Variants in HCLS1 observed in about 807,000 individuals in gnomAD.
HCLS1 encodes the protein hematopoietic lineage cell-specific protein.
In HCLS1, 44 loss-of-function variants were observed where a neutral mutation model predicts 68.6. That is an observed-to-expected ratio of 0.64 (90% CI 0.50 to 0.82). The LOEUF (loss-of-function observed/expected upper bound fraction) is 0.82, where lower values mean the gene tolerates loss of function less well. Among genes scored for constraint, HCLS1 ranks in the 40% least tolerant of loss-of-function variants. The probability of loss-of-function intolerance (pLI) is 0.00; values close to 1 mark genes in which losing one functional copy is unlikely to be tolerated. For synonymous variants in HCLS1, 217 were observed against 225.8 expected (o/e 0.96, Z 0.35); for missense variants, 602 against 612.1 (o/e 0.98, Z 0.17).
At chr3:121,650,776 AT>A (rs1019973350) in intron 3 of HCLS1, among the ~76,000 whole-genome samples, 9 of 152,168 alleles carry the variant, frequency 5.9e-5, no homozygotes, top group Admixed American at 2.6e-4. Flanking sequence ...AGCCCCATAA[AT>A]TTTTTTTCAA....
chr3:121,640,792 G>C (rs28575449), intron 6 of HCLS1, among the ~76,000 whole-genome samples: 1 of 58,702 alleles, frequency 1.7e-5, no homozygotes, highest in African/African-American at 6.0e-5. Context: ...AAGGGGAGGG[G>C]AGGGGAGGGG....
intron 11 of HCLS1, among the ~76,000 whole-genome samples, chr3:121,632,770 A>G (rs2049113037): frequency 6.9e-6 from 1 of 145,250 alleles, no homozygotes; most frequent in African/African-American, 2.5e-5. Flanking sequence ...AACACATTCC[A>G]GAGACAATGG....
intron 8 of HCLS1, 89 bp from the exon 9 acceptor site, chr3:121,635,893 T>G: frequency 1.0e-6 from 1 of 969,948 alleles, no homozygotes; most frequent in South Asian, 1.3e-5. Context: ...GGGGCCACTA[T>G]AAGAGGTATC....
rs1271419695 is a variant in HCLS1, at chr3:121,647,300, T to C, written c.288+19A>G. Reference sequence around the variant, plus strand: ...CCGGCTTGTATTTTTTTAAAGCAAATCTTTCCCTTTCAACTTACCTTGTCC... The same window carrying C: ...CCGGCTTGTATTTTTTTAAAGCAAACCTTTCCCTTTCAACTTACCTTGTCC... On this transcript the variant is annotated intron_variant, in intron 4 of 13. Coordinates refer to ENST00000314583, the MANE Select transcript of HCLS1 (RefSeq NM_005335.6). The C allele has an allele frequency of 6.2e-7, 1 of 1,612,958 alleles. No individual in the cohort carries two copies. Among genetic ancestry groups the C allele is most frequent in the African/African-American group, 1.3e-5 (1 of 74,822 alleles).
At position 121,631,656 on chromosome 3, in the gene HCLS1, A is replaced by C. The variant is rs1018125610; in HGVS notation, c.*190T>G. ...AAATGTTCATGAGCTCATCCAGGAT[A>C]GAGAGGACTCTTGGGGAAGGGGACC... On this transcript the variant is annotated 3_prime_UTR_variant, in exon 14 of 14. Coordinates refer to ENST00000314583, the MANE Select transcript of HCLS1 (RefSeq NM_005335.6). 5.0e-6 allele frequency: 3 copies of C among 599,122 alleles called. No homozygotes were observed. Among genetic ancestry groups the C allele is most frequent in the Non-Finnish European group, 8.9e-6 (3 of 338,324 alleles). 37.1% of individuals were successfully genotyped at this position (599,122 alleles called of 1,614,324 possible). A position where few individuals can be genotyped will look rare whatever the true frequency, so the allele number is the denominator to read the frequency against.
At chr3:121,657,427 A>G (rs979882610) in intron 2 of HCLS1, 75 bp from the exon 3 acceptor site, 39 of 1,263,636 alleles carry the variant, frequency 3.1e-5, no homozygotes, top group Middle Eastern at 2.0e-4. Context: ...CAACTGACAC[A>G]TGCCCTCCAT....
rs1937896516 is a variant in HCLS1 at position 121,657,412 on chromosome 3, C to T, written c.85-60G>A. The T allele has an allele frequency of 2.0e-6, 3 of 1,493,186 alleles. 1 individual carries two copies. Among genetic ancestry groups the T allele is most frequent in the South Asian group, 2.3e-5 (2 of 87,984 alleles). The allele number at this position is 1,493,186 out of a possible 1,614,324, so 92.5% of individuals were successfully genotyped here. On this transcript the variant is annotated intron_variant, in intron 2 of 13. Coordinates refer to ENST00000314583, the MANE Select transcript of HCLS1 (RefSeq NM_005335.6). ...AAGAAATGTGCCACATTGAGAAGGG[C>T]CACCCAACTGACACATGCCCTCCAT...
At chr3:121,639,294 C>A (rs893858222) in intron 6 of HCLS1, among the ~76,000 whole-genome samples, 12 of 152,098 alleles carry the variant, frequency 7.9e-5, no homozygotes, top group Non-Finnish European at 1.6e-4. Context: ...CCAAATAGAC[C>A]ATGTGCCAGT....
intron 3 of HCLS1, among the ~76,000 whole-genome samples, chr3:121,650,784 T>C (rs1046204941): frequency 6.6e-6 from 1 of 152,212 alleles, no homozygotes; most frequent in African/African-American, 2.4e-5. Context: ...AAATTTTTTT[T>C]CAATAAATTA....
intron 3 of HCLS1, 113 bp downstream of exon 3, chr3:121,657,166 A>G: frequency 1.2e-6 from 1 of 807,968 alleles, no homozygotes; most frequent in Non-Finnish European, 2.1e-6. Context: ...ACAATAATAC[A>G]TAGACATGAA....
At chr3:121,658,101 C>A in intron 2 of HCLS1, 163 bp downstream of exon 2, 2 of 631,900 alleles carry the variant, frequency 3.2e-6, no homozygotes, top group Non-Finnish European at 5.8e-6. Context: ...TCGTGCATGC[C>A]CCACAGGTGA....
At chr3:121,639,293 C>T (rs887658003) in intron 6 of HCLS1, among the ~76,000 whole-genome samples, 2 of 152,102 alleles carry the variant, frequency 1.3e-5, no homozygotes, top group African/African-American at 4.8e-5. Flanking sequence ...ACCAAATAGA[C>T]CATGTGCCAG....
intron 4 of HCLS1, among the ~76,000 whole-genome samples, chr3:121,646,546 TTA>T (rs1290069160): frequency 7.3e-5 from 8 of 109,298 alleles, no homozygotes; most frequent in Admixed American, 1.2e-4. Context: ...TAAGTATATA[TTA>T]TATATATTAA....
chr3:121,658,775 C>T (rs1937928665), intron 1 of HCLS1, among the ~76,000 whole-genome samples: 1 of 152,204 alleles, frequency 6.6e-6, no homozygotes, highest in South Asian at 2.1e-4. Flanking sequence ...TCCTTTGTTG[C>T]TGTTGAAATA....
intron 7 of HCLS1, 64 bp from the exon 8 acceptor site, chr3:121,636,553 T>A (rs2049153184): frequency 8.1e-7 from 1 of 1,234,634 alleles, no homozygotes; most frequent in South Asian, 1.2e-5. Context: ...GTGAGAAGAA[T>A]CAGTGGGAAG....
intron 3 of HCLS1, chr3:121,656,986 C>A: frequency 3.4e-6 from 1 of 294,756 alleles, no homozygotes; most frequent in East Asian, 5.8e-5. Flanking sequence ...TCATGCCTTA[C>A]TAAAGGAAGG....
At chr3:121,642,744 C>T (rs990790147) in intron 6 of HCLS1, among the ~76,000 whole-genome samples, 183 bp downstream of exon 6, 2 of 152,128 alleles carry the variant, frequency 1.3e-5, no homozygotes, top group Non-Finnish European at 2.9e-5. Flanking sequence ...TCACTGCACT[C>T]CCGCCTGGGT....
intron 9 of HCLS1, among the ~76,000 whole-genome samples, chr3:121,634,980 C>A (rs1017670916): frequency 6.6e-6 from 1 of 151,948 alleles, no homozygotes; most frequent in Non-Finnish European, 1.5e-5. Flanking sequence ...AAAAAGCATC[C>A]TCCCCTGTCC....
At chr3:121,636,317 C>T (rs1357559477) in intron 8 of HCLS1, 117 bp downstream of exon 8, 1 of 822,744 alleles carries the variant, frequency 1.2e-6, no homozygotes, top group Non-Finnish European at 2.1e-6. Context: ...GCAGGACAGG[C>T]TCTGTGTGCC....
Sources: gnomAD v4.1 joint callset for allele counts (sites outside exome capture counted in the v4.1 genomes callset) on GRCh38, gnomAD v4.1.1 for gene constraint, MANE v1.5 for transcripts, NCBI Gene and HGNC (gene_info 2026-07-23, HGNC 2026-07-21) for gene names.